USP49: variants seen among roughly 807,000 people sequenced by gnomAD.
USP49 encodes the protein ubiquitin carboxyl-terminal hydrolase 49.
A neutral mutation model predicts 58.6 loss-of-function variants in USP49; 24 were observed. The observed-to-expected ratio is 0.41, with a 90% CI of 0.30 to 0.58. The LOEUF is 0.58. Ranked by LOEUF, USP49 falls within the 20% of genes least tolerant of loss-of-function variation. The probability of loss-of-function intolerance (pLI) is 0.30; values close to 1 mark genes in which losing one functional copy is unlikely to be tolerated. For missense variants in USP49, 703 were observed against 866.1 expected (o/e 0.81, Z 2.36); for synonymous variants, 408 against 365.1 (o/e 1.12, Z -1.34).
At chr6:41,839,404 CAAAAAAAAAAAAAAA>C (rs538220746) in intron 3 of USP49, among the ~76,000 whole-genome samples, 23 of 22,258 alleles carry the variant, frequency 1.0e-3, no homozygotes, top group South Asian at 2.4e-3. Flanking sequence ...GGCCTTGTCT[CAAAAAAAAAAAAAAA>C]AAAAAAAAAA....
rs754135398 is a variant in USP49 at position 41,806,450 on chromosome 6, C to T, written c.534G>A (p.Leu178=). ...TCCGCGCCTCCTCCTTCTTGCGCTCCAGGGCCTCCTCCTGCCGCCGCTGCT... is the reference window on the plus strand; with the variant it reads ...TCCGCGCCTCCTCCTTCTTGCGCTCTAGGGCCTCCTCCTGCCGCCGCTGCT... ...KLEQRRQEEA[L]ERKKEEARRR... The change falls in exon 4 of 8, where the codon CTG becomes CTA. Residue 178 remains leucine (L), a synonymous_variant. Coordinates refer to ENST00000682992, the MANE Select transcript of USP49 (RefSeq NM_001286554.2). This position sits in a 1 kb window ranked among gnomAD's most constrained non-coding sequence, Gnocchi z 5.9. 6 of 1,591,832 alleles carry T rather than the reference C, an allele frequency of 3.8e-6. No homozygotes were observed. In the Admixed American group the frequency reaches 5.1e-5, roughly 14 times the overall value.
rs1466554171 is a variant in USP49 at position 41,793,423 on chromosome 6, G to C, written c.*3110C>G. On this transcript the variant is annotated 3_prime_UTR_variant, in exon 8 of 8. Coordinates refer to ENST00000682992, the MANE Select transcript of USP49 (RefSeq NM_001286554.2). ...CTACAGGCACGTGCCACCATGCCCA[G>C]CTAATTTTTGTATTTTTAGTAGAGA... 6.6e-6 allele frequency: 1 copy of C among 152,470 alleles called. No homozygotes were observed. Among genetic ancestry groups the C allele is most frequent in the African/African-American group, 2.4e-5 (1 of 41,424 alleles). 9.4% of individuals were successfully genotyped at this position (152,470 alleles called of 1,614,324 possible).
At chr6:41,835,565 TTA>T (rs2127344256) in intron 3 of USP49, among the ~76,000 whole-genome samples, 1 of 151,804 alleles carries the variant, frequency 6.6e-6, no homozygotes, top group Non-Finnish European at 1.5e-5. Flanking sequence ...ATACAAAAAA[TTA>T]GCCAGGCATG....
chr6:41,800,133 A>C (rs1772972453), intron 5 of USP49, among the ~76,000 whole-genome samples, 195 bp from the exon 6 acceptor site: 1 of 152,128 alleles, frequency 6.6e-6, no homozygotes, highest in Admixed American at 6.5e-5. Context: ...GTGGCCATGG[A>C]AGTTCTGGCT....
Position 41,863,850 on chromosome 6 carries a change from C to G in USP49, c.-29+7714G>C, listed in dbSNP as rs1774264614. Reference sequence around the variant, plus strand: ...TAGCTCACTGCAGCCTTGACCTCCTCGGGCTCAGGTGATCACCCCACCTCA... The same window carrying G: ...TAGCTCACTGCAGCCTTGACCTCCTGGGGCTCAGGTGATCACCCCACCTCA... On this transcript the variant is annotated intron_variant, in intron 3 of 7. Transcript: ENST00000682992. Among the ~76,000 whole-genome samples, 3 of 152,176 alleles carry G rather than the reference C, an allele frequency of 2.0e-5. No homozygotes were observed. The South Asian group carries it at 6.2e-4, about 32-fold the overall frequency.
At chr6:41,798,678 C>A in intron 7 of USP49, 46 bp downstream of exon 7, 3 of 1,613,734 alleles carry the variant, frequency 1.9e-6, no homozygotes, top group Non-Finnish European at 2.5e-6. Context: ...GTGGACAAAT[C>A]AACCCCTTTC....
At chr6:41,857,083 G>C (rs1293022487) in intron 3 of USP49, among the ~76,000 whole-genome samples, 3 of 152,114 alleles carry the variant, frequency 2.0e-5, no homozygotes. Flanking sequence ...AACTGGTAGG[G>C]ATCTGCTGGC....
At chr6:41,837,527 C>T (rs931077056) in intron 3 of USP49, among the ~76,000 whole-genome samples, 8 of 152,206 alleles carry the variant, frequency 5.3e-5, no homozygotes, top group African/African-American at 1.9e-4. Context: ...AAATACCATT[C>T]TGGACACAGG....
At chr6:41,855,863 C>G (rs1028140994) in intron 3 of USP49, among the ~76,000 whole-genome samples, 1 of 151,106 alleles carries the variant, frequency 6.6e-6, no homozygotes, top group Non-Finnish European at 1.5e-5. Context: ...GAATGGCCAA[C>G]ATGGCGAAAC....
intron 2 of USP49, among the ~76,000 whole-genome samples, chr6:41,874,984 G>T (rs1774478174): frequency 6.6e-6 from 1 of 151,568 alleles, no homozygotes; most frequent in South Asian, 2.1e-4. Flanking sequence ...GAGAGAGAGA[G>T]AAAGAAAGAA....
intron 3 of USP49, among the ~76,000 whole-genome samples, chr6:41,831,996 T>C (rs1358561713): frequency 3.9e-5 from 6 of 152,226 alleles, no homozygotes; most frequent in African/African-American, 1.4e-4. Flanking sequence ...AGGCTTTTCC[T>C]GACCATTCTA....
rs753370159 is a variant in USP49 at position 41,806,342 on chromosome 6, G to A, written c.642C>T (p.His214=). 4 of 1,530,574 alleles carry A rather than the reference G, an allele frequency of 2.6e-6. No homozygotes were observed. Among genetic ancestry groups the A allele is most frequent in the Middle Eastern group, 1.8e-4 (1 of 5,564 alleles). The allele number at this position is 1,530,574 out of a possible 1,614,324, so 94.8% of individuals were successfully genotyped here. Residue 214 remains histidine (H), a synonymous_variant, in exon 4 of 8, where the codon CAC becomes CAT. Coordinates refer to ENST00000682992, the MANE Select transcript of USP49 (RefSeq NM_001286554.2). This position sits in a 1 kb window ranked among gnomAD's most constrained non-coding sequence, Gnocchi z 5.9. ...PPRKSARLLL[H]TPRDAGPAAS... ...CAGCCGGGCCCGCGTCGCGGGGCGT[G>A]TGCAGGAGCAGCCGTGCACTCTTGC...
chr6:41,874,906 T>C (rs1774475854), intron 2 of USP49, among the ~76,000 whole-genome samples: 1 of 152,082 alleles, frequency 6.6e-6, no homozygotes, highest in Admixed American at 6.6e-5. Flanking sequence ...TGCAGTGAGC[T>C]GTGCGTGATT....
intron 2 of USP49, chr6:41,886,364 A>G (rs1040494111): frequency 5.3e-5 from 8 of 152,236 alleles, no homozygotes; most frequent in Non-Finnish European, 1.2e-4. Flanking sequence ...ATAAATGCTG[A>G]TTCGCTGTCA....
Position 41,791,895 on chromosome 6 carries a change from G to A in USP49, c.*4638C>T, listed in dbSNP as rs571143892. On this transcript the variant is annotated 3_prime_UTR_variant, in exon 8 of 8. Transcript: ENST00000682992. ...AAAGTCTGAACCACCAGGAAGATGC[G>A]TACTTAACTGGTTAAAAAATTAAGT... is the stretch of plus-strand genomic sequence containing the variant. The A allele has an allele frequency of 2.0e-5, 3 of 152,282 alleles. No individual in the cohort carries two copies. Among genetic ancestry groups the A allele is most frequent in the African/African-American group, 2.4e-5 (1 of 41,556 alleles). 9.4% of individuals were successfully genotyped at this position (152,282 alleles called of 1,614,324 possible).
At position 41,806,203 on chromosome 6, in the gene USP49, TGTTGCCCAG is replaced by T; in HGVS notation, c.772_780del (p.Leu258_Asn260del). The stretch of plus-strand genomic sequence containing the variant: ...TGGAGGATGGAGTTCATGTAGCAGG[TGTTGCCCAG>T]GTTGCGCAGGCCCGTGACGCCTGGG... On this transcript the variant is annotated inframe_deletion, in exon 4 of 8. Transcript: ENST00000682992. This position sits in a 1 kb window ranked among gnomAD's most constrained non-coding sequence, Gnocchi z 5.9. 1 of 1,612,736 alleles carries T rather than the reference TGTTGCCCAG, an allele frequency of 6.2e-7. No individual in the cohort carries two copies. Among genetic ancestry groups the T allele is most frequent in the Non-Finnish European group, 8.5e-7 (1 of 1,180,012 alleles).
intron 3 of USP49, among the ~76,000 whole-genome samples, chr6:41,869,427 C>G (rs1774377512): frequency 6.6e-6 from 1 of 152,004 alleles, no homozygotes; most frequent in Non-Finnish European, 1.5e-5. Flanking sequence ...AAAAATACTT[C>G]AAGCTGGGTG....
intron 2 of USP49, among the ~76,000 whole-genome samples, chr6:41,883,997 G>C (rs529579888): frequency 6.6e-6 from 1 of 152,030 alleles, no homozygotes; most frequent in Non-Finnish European, 1.5e-5. Flanking sequence ...GAAGCAGTTA[G>C]CTAAATCTAC....
intron 3 of USP49, among the ~76,000 whole-genome samples, chr6:41,820,172 A>G (rs1379994458): frequency 1.6e-5 from 2 of 121,442 alleles, no homozygotes; most frequent in African/African-American, 6.0e-5. Flanking sequence ...GTATCTAGCT[A>G]CATCATTAGT....
Sources: gnomAD v4.1 joint callset for allele counts (sites outside exome capture counted in the v4.1 genomes callset) on GRCh38, gnomAD v4.1.1 for gene constraint, Gnocchi (gnomAD v3.1) non-coding constraint, MANE v1.5 for transcripts, NCBI Gene and HGNC (gene_info 2026-07-23, HGNC 2026-07-21) for gene names.